PBX3: variants seen among roughly 807,000 people sequenced by gnomAD.
PBX3 encodes pre-B-cell leukemia transcription factor 3.
PBX3 carries 14 observed loss-of-function variants against 48.5 expected under a neutral mutation model. The ratio of observed to expected loss-of-function variants is 0.29; its 90% confidence interval spans 0.19 to 0.45. The LOEUF (loss-of-function observed/expected upper bound fraction) is 0.45. Among genes scored for constraint, PBX3 ranks in the 20% least tolerant of loss-of-function variants. The pLI, the probability that PBX3 is intolerant of heterozygous loss-of-function variation, is 1.00. For missense variants in PBX3, 386 were observed against 546.7 expected (o/e 0.71, Z 2.93); for synonymous variants, 210 against 200.3 (o/e 1.05, Z -0.41).
intron 2 of PBX3, among the ~76,000 whole-genome samples, chr9:125,834,642 C>T (rs538234347): frequency 6.6e-6 from 1 of 151,628 alleles, no homozygotes; most frequent in East Asian, 2.0e-4. Flanking sequence ...AGGTGATCCG[C>T]CCACCTCTGC....
intron 5 of PBX3, among the ~76,000 whole-genome samples, chr9:125,942,995 A>G (rs1257342267): frequency 6.6e-6 from 1 of 152,170 alleles, no homozygotes; most frequent in African/African-American, 2.4e-5. Context: ...GATGTCAGGT[A>G]TTATATTTAT....
chr9:125,944,145 C>A (rs1842019854), intron 5 of PBX3, among the ~76,000 whole-genome samples: 1 of 152,198 alleles, frequency 6.6e-6, no homozygotes, highest in African/African-American at 2.4e-5. Flanking sequence ...TCCTGGCTTC[C>A]CACTTCTGTT....
At chr9:125,778,439 A>G (rs11788829) in intron 2 of PBX3, among the ~76,000 whole-genome samples, 77,629 of 151,532 alleles carry the variant, frequency 0.51, 21,597 homozygotes, top group South Asian at 0.63. Context: ...TTGTATTTTT[A>G]GTAGAGACAG....
At chr9:125,954,571 C>G (rs1024482689) in intron 5 of PBX3, among the ~76,000 whole-genome samples, 2 of 152,162 alleles carry the variant, frequency 1.3e-5, no homozygotes, top group African/African-American at 4.8e-5. Flanking sequence ...GAGTCTCACT[C>G]TGTTGACAGG....
intron 4 of PBX3, among the ~76,000 whole-genome samples, chr9:125,933,468 CT>C (rs1195166313): frequency 6.6e-6 from 1 of 152,186 alleles, no homozygotes; most frequent in Non-Finnish European, 1.5e-5. Flanking sequence ...CCAAACTTCT[CT>C]TTGCTTTTCT....
intron 2 of PBX3, among the ~76,000 whole-genome samples, chr9:125,888,424 A>G (rs548430546): frequency 2.0e-5 from 3 of 152,330 alleles, no homozygotes; most frequent in East Asian, 3.9e-4. Context: ...GACCCTTTGT[A>G]TGGAGGAATT....
intron 2 of PBX3, among the ~76,000 whole-genome samples, chr9:125,876,904 C>A (rs1840266556): frequency 6.6e-6 from 1 of 151,348 alleles, no homozygotes; most frequent in Non-Finnish European, 1.5e-5. Context: ...CCTGCCTCAG[C>A]CTCCCAGGTA....
intron 2 of PBX3, among the ~76,000 whole-genome samples, chr9:125,780,261 C>A (rs1300049841): frequency 7.6e-6 from 1 of 132,090 alleles, no homozygotes; most frequent in African/African-American, 2.9e-5. Flanking sequence ...ACCTCCCTCC[C>A]GGATGGGGTG....
chr9:125,895,366 G>C (rs1020157235), intron 2 of PBX3, among the ~76,000 whole-genome samples: 1 of 152,080 alleles, frequency 6.6e-6, no homozygotes, highest in Admixed American at 6.6e-5. Context: ...AGATGTGTAA[G>C]TAGCACACAA....
intron 2 of PBX3, among the ~76,000 whole-genome samples, chr9:125,888,576 G>A (rs974458906): frequency 2.7e-5 from 4 of 147,486 alleles, no homozygotes; most frequent in South Asian, 2.1e-4. Context: ...TTTTTTGGCC[G>A]TTTGTTTTCT....
chr9:125,887,487 T>TTAA (rs1294342418), intron 2 of PBX3, among the ~76,000 whole-genome samples: 1 of 152,188 alleles, frequency 6.6e-6, no homozygotes. Context: ...TTTTGTAGCC[T>TTAA]ACAGTTTTAA....
At position 125,747,584 on chromosome 9, in the gene PBX3, A is replaced by G. The variant is rs571215823; in HGVS notation, c.131A>G (p.Gln44Arg). The G allele has an allele frequency of 3.1e-5, 50 of 1,607,132 alleles. No homozygotes were observed. The highest frequency in any genetic ancestry group is 4.1e-5 in the Non-Finnish European group (48 of 1,176,892). The stretch of plus-strand genomic sequence containing the variant: ...GGGGCGGACGGCGACGGCAGGAAGC[A>G]GGACATCGGCGACATCCTCCACCAG... Reference protein sequence around the residue: ...HEGADGDGRKQDIGDILHQIM... With the variant: ...HEGADGDGRKRDIGDILHQIM... The change falls in exon 1 of 9, where the codon CAG becomes CGG. Residue 44 changes from glutamine to arginine, a missense_variant. By Grantham distance (43) the Gln-to-Arg change is conservative. Coordinates refer to ENST00000373489, the MANE Select transcript of PBX3 (RefSeq NM_006195.6).
At chr9:125,776,186 G>A (rs946849128) in intron 2 of PBX3, among the ~76,000 whole-genome samples, 1 of 152,184 alleles carries the variant, frequency 6.6e-6, no homozygotes, top group Non-Finnish European at 1.5e-5. Context: ...TAGTGGGAAA[G>A]CTTTAAGTCT....
intron 2 of PBX3, among the ~76,000 whole-genome samples, chr9:125,832,487 G>A (rs1442550945): frequency 6.6e-6 from 1 of 152,190 alleles, no homozygotes; most frequent in Admixed American, 6.5e-5. Flanking sequence ...GAGCCCCTGC[G>A]CCCAGCCTAA....
intron 5 of PBX3, among the ~76,000 whole-genome samples, chr9:125,954,558 A>C (rs1437314196): frequency 6.6e-6 from 1 of 152,108 alleles, no homozygotes; most frequent in Non-Finnish European, 1.5e-5. Flanking sequence ...TTGTTTTGAG[A>C]CAGAGTCTCA....
At chr9:125,947,249 A>G (rs1325036858) in intron 5 of PBX3, among the ~76,000 whole-genome samples, 1 of 152,220 alleles carries the variant, frequency 6.6e-6, no homozygotes, top group Non-Finnish European at 1.5e-5. Context: ...AAAGCAAAGA[A>G]AAGGATAAAT....
At chr9:125,797,306 T>G (rs906590359) in intron 2 of PBX3, 1 of 152,122 alleles carries the variant, frequency 6.6e-6, no homozygotes, top group African/African-American at 2.4e-5. Context: ...TAATGAAGTT[T>G]CCTTTATCTG....
chr9:125,789,482 G>T (rs1462589906), intron 2 of PBX3, among the ~76,000 whole-genome samples: 4 of 152,230 alleles, frequency 2.6e-5, no homozygotes, highest in Non-Finnish European at 5.9e-5. Context: ...AGAGACATCA[G>T]TTCTTCCCTA....
At chr9:125,757,254 T>C (rs1321577524) in intron 2 of PBX3, among the ~76,000 whole-genome samples, 1 of 152,056 alleles carries the variant, frequency 6.6e-6, no homozygotes, top group African/African-American at 2.4e-5. Context: ...CATTTTTCTT[T>C]CTTTTCTCCT....
Sources: allele counts gnomAD v4.1 joint callset (sites outside exome capture counted in the v4.1 genomes callset), GRCh38; gene constraint gnomAD v4.1.1; transcripts MANE v1.5; gene names NCBI Gene and HGNC (gene_info 2026-07-23, HGNC 2026-07-21).